Variants in SLC14A2 observed in about 807,000 individuals in gnomAD.
SLC14A2 encodes urea transporter 2.
A neutral mutation model predicts 104.6 loss-of-function variants in SLC14A2; 91 were observed. That is an observed-to-expected ratio of 0.87 (90% CI 0.73 to 1.04). The LOEUF is 1.04. Among genes scored for constraint, SLC14A2 ranks in the 50% least tolerant of loss-of-function variants. The pLI, the probability that SLC14A2 is intolerant of heterozygous loss-of-function variation, is 0.00. For missense variants in SLC14A2, 1,189 were observed against 1,156.0 expected (o/e 1.03, Z -0.41); for synonymous variants, 476 against 466.4 (o/e 1.02, Z -0.27).
chr18:45,415,148 C>A (rs930698802), intron 1 of SLC14A2, among the ~76,000 whole-genome samples: 7 of 152,080 alleles, frequency 4.6e-5, no homozygotes, highest in African/African-American at 1.7e-4. Flanking sequence ...CCAAAAATTT[C>A]TTGGTCAGGA....
chr18:45,310,107 T>A (rs2085063845), intron 1 of SLC14A2, among the ~76,000 whole-genome samples: 1 of 152,216 alleles, frequency 6.6e-6, no homozygotes, highest in African/African-American at 2.4e-5. Flanking sequence ...TTACTCAACT[T>A]ACTGTCGATG....
At chr18:45,197,063 T>G in the SLC14A2 span, among the ~76,000 whole-genome samples, 5 of 152,348 alleles carry the variant, frequency 3.3e-5, no homozygotes, top group Middle Eastern at 3.4e-3. Flanking sequence ...GGCTCTTCAG[T>G]GTCAAAAGAC....
chr18:45,608,165 A>G lies in SLC14A2; in HGVS notation c.-34-16466A>G, dbSNP rs561279198. On this transcript the variant is annotated intron_variant, in intron 2 of 20. Transcript: ENST00000586448. ...CACCAAATGCTTTTGAATGAACACT[A>G]TCTGGTACAGGATGTGCTACAGAGA... 3.3e-5 allele frequency among the ~76,000 whole-genome samples: 5 copies of G among 152,352 alleles called. No homozygotes were observed. The South Asian group carries it at 8.3e-4, about 25-fold the overall frequency.
Position 45,346,552 on chromosome 18 carries a change from A to C in SLC14A2, c.-125+133361A>C, listed in dbSNP as rs1356323230. On this transcript the variant is annotated intron_variant, in intron 1 of 20. Transcript: ENST00000586448. ...TTATGAGATGTGAATATTTTCTCTA[A>C]GTCTGAATTCTTTCATCTTTTTAGT... is the stretch of plus-strand genomic sequence containing the variant. 2.0e-5 allele frequency among the ~76,000 whole-genome samples: 3 copies of C among 152,204 alleles called. 1 individual carries two copies. The Middle Eastern group carries it at 9.5e-3, about 482-fold the overall frequency.
intron 2 of SLC14A2, among the ~76,000 whole-genome samples, chr18:45,546,869 T>C (rs989034083): frequency 8.5e-5 from 13 of 152,240 alleles, no homozygotes; most frequent in Non-Finnish European, 2.9e-5. Flanking sequence ...TTGGATGCTT[T>C]TAGATGTCCC....
At position 45,352,589 on chromosome 18, in the gene SLC14A2, G is replaced by A. The variant is rs577510822; in HGVS notation, c.-124-130644G>A. On this transcript the variant is annotated intron_variant, in intron 1 of 20. Coordinates refer to the SLC14A2 transcript ENST00000586448. Reference sequence around the variant, plus strand: ...AAGGGCAGATTTGATCCTTGCCCCTGTAGAGCTTACAACCCATCGAGAGAG... The same window carrying A: ...AAGGGCAGATTTGATCCTTGCCCCTATAGAGCTTACAACCCATCGAGAGAG... Among the ~76,000 whole-genome samples, 3 of 152,248 alleles carry A rather than the reference G, an allele frequency of 2.0e-5. No individual in the cohort carries two copies. In the South Asian group the frequency reaches 6.2e-4, roughly 32 times the overall value.
At chr18:45,391,087 A>C (rs1464813519) in intron 1 of SLC14A2, among the ~76,000 whole-genome samples, 1 of 149,760 alleles carries the variant, frequency 6.7e-6, no homozygotes, top group Non-Finnish European at 1.5e-5. Context: ...CCCTCCACCC[A>C]CCCCACAACA....
In SLC14A2 at chr18:45,385,299, A is replaced by G. The variant is rs563157810; in HGVS notation, c.-124-97934A>G. ...AGGTTGATAACGCTTTCGAGTGTGC[A>G]GGAATCACAGGACCCCACACTAAGG... On this transcript the variant is annotated intron_variant, in intron 1 of 20. Coordinates refer to the SLC14A2 transcript ENST00000586448. 7.2e-5 allele frequency among the ~76,000 whole-genome samples: 11 copies of G among 152,346 alleles called. No individual in the cohort carries two copies. The South Asian group carries it at 2.1e-3, about 29-fold the overall frequency.
At chr18:45,319,202 G>T (rs554279450) in intron 1 of SLC14A2, among the ~76,000 whole-genome samples, 1 of 152,106 alleles carries the variant, frequency 6.6e-6, no homozygotes, top group African/African-American at 2.4e-5. Context: ...GGCTCAGCTC[G>T]AAGACAGCCT....
chr18:45,495,868 G>A (rs1246107283), intron 2 of SLC14A2, among the ~76,000 whole-genome samples: 1 of 152,184 alleles, frequency 6.6e-6, no homozygotes. Context: ...TATGTCATGA[G>A]ACCAAGTGCT....
chr18:45,595,703 C>G (rs973873128), intron 2 of SLC14A2, among the ~76,000 whole-genome samples: 2 of 152,148 alleles, frequency 1.3e-5, no homozygotes, highest in African/African-American at 4.8e-5. Flanking sequence ...AGGAGGGTTG[C>G]TGTGAGGATT....
At chr18:45,174,507 A>T in the SLC14A2 span, among the ~76,000 whole-genome samples, 61 of 152,254 alleles carry the variant, frequency 4.0e-4, no homozygotes, top group African/African-American at 1.5e-3. Context: ...AAACCCTGCT[A>T]AAGTGGAGAG....
chr18:45,479,051 C>T (rs1445746200), intron 1 of SLC14A2, among the ~76,000 whole-genome samples: 2 of 152,124 alleles, frequency 1.3e-5, no homozygotes, highest in African/African-American at 4.8e-5. Flanking sequence ...CAGCAGACAC[C>T]TTTCAGCATC....
intron 1 of SLC14A2, among the ~76,000 whole-genome samples, chr18:45,271,677 A>G (rs962684145): frequency 6.6e-6 from 1 of 152,160 alleles, no homozygotes; most frequent in South Asian, 2.1e-4. Flanking sequence ...GAAATATTCT[A>G]TGTTCATGGA....
At chr18:45,449,245 C>T (rs1406400668) in intron 1 of SLC14A2, among the ~76,000 whole-genome samples, 1 of 152,194 alleles carries the variant, frequency 6.6e-6, no homozygotes, top group Non-Finnish European at 1.5e-5. Flanking sequence ...AGGATAAAGA[C>T]TATGAAAGAG....
At chr18:45,237,402 C>G (rs539427559) in intron 1 of SLC14A2, among the ~76,000 whole-genome samples, 12 of 152,190 alleles carry the variant, frequency 7.9e-5, no homozygotes, top group African/African-American at 2.9e-4. Flanking sequence ...AGGATTTTGC[C>G]CAAGGTCACA....
chr18:45,666,088 C>T (rs2046017156), intron 11 of SLC14A2, 49 bp from the exon 12 acceptor site: 3 of 1,289,454 alleles, frequency 2.3e-6, no homozygotes, highest in Non-Finnish European at 2.3e-6. Flanking sequence ...TTCTGAGGTG[C>T]CAGAGTAGAG....
intron 1 of SLC14A2, among the ~76,000 whole-genome samples, chr18:45,449,582 A>G (rs1295310391): frequency 6.6e-6 from 1 of 152,082 alleles, no homozygotes; most frequent in African/African-American, 2.4e-5. Flanking sequence ...GACCTCACCC[A>G]GTTTTCCCTG....
intron 5 of SLC14A2, among the ~76,000 whole-genome samples, chr18:45,633,766 C>G (rs2045379775): frequency 6.6e-6 from 1 of 152,170 alleles, no homozygotes; most frequent in Admixed American, 6.5e-5. Context: ...TTACTAAAAC[C>G]AGCTAGTTTA....
Sources: gnomAD v4.1 joint callset for allele counts (sites outside exome capture counted in the v4.1 genomes callset) on GRCh38, gnomAD v4.1.1 for gene constraint, MANE v1.5 for transcripts, NCBI Gene and HGNC (gene_info 2026-07-23, HGNC 2026-07-21) for gene names.